Variants in ARPC1A observed in about 807,000 individuals in gnomAD.
ARPC1A encodes actin-related protein 2/3 complex subunit 1A.
Under a neutral mutation model 46.9 loss-of-function variants are expected in ARPC1A, and 8 were observed. The ratio of observed to expected loss-of-function variants is 0.17; its 90% CI spans 0.10 to 0.31. The LOEUF (loss-of-function observed/expected upper bound fraction) is 0.31. ARPC1A is among the 10% of genes least tolerant of loss of function. ARPC1A has a pLI of 1.00. For synonymous variants in ARPC1A, 152 were observed against 169.0 expected (o/e 0.90, Z 0.78); for missense variants, 286 against 483.6 (o/e 0.59, Z 3.83).
chr7:99,351,501 G>A (rs1793541953), intron 5 of ARPC1A, among the ~76,000 whole-genome samples: 1 of 152,204 alleles, frequency 6.6e-6, no homozygotes, highest in Non-Finnish European at 1.5e-5. Context: ...TTACAGGCAT[G>A]AGCCACTGCG....
At chr7:99,363,160 A>C (rs1171552217) in intron 8 of ARPC1A, among the ~76,000 whole-genome samples, 16 of 152,134 alleles carry the variant, frequency 1.1e-4, no homozygotes, top group Admixed American at 1.0e-3. Context: ...GCAAGTTCTT[A>C]ACTTCTCCCC....
chr7:99,336,714 G>A lies in ARPC1A; in HGVS notation c.65-1467G>A, dbSNP rs184281840. On this transcript the variant is annotated intron_variant, in intron 2 of 9. Coordinates refer to ENST00000262942, the MANE Select transcript of ARPC1A (RefSeq NM_006409.4). ...TCCCCGTGTTGGCCAGGCTGGTCTC[G>A]AACTCCTGATCACAGGTGATCTGCC... Among the ~76,000 whole-genome samples the A allele has an allele frequency of 8.3e-3, 1,255 of 152,046 alleles. 6 individuals are homozygous for A. The highest frequency in any genetic ancestry group is 0.024 in the Middle Eastern group (7 of 292).
chr7:99,326,138 C>T (rs1262099582), intron 1 of ARPC1A, 134 bp downstream of exon 1: 1 of 152,194 alleles, frequency 6.6e-6, no homozygotes, highest in African/African-American at 2.4e-5. Context: ...GCCGGGTCTC[C>T]CTGCCGGGGC....
intron 5 of ARPC1A, among the ~76,000 whole-genome samples, chr7:99,351,972 T>G (rs1400394248): frequency 2.6e-5 from 4 of 152,150 alleles, no homozygotes; most frequent in Non-Finnish European, 5.9e-5. Flanking sequence ...AGGACCTGCC[T>G]CCATCTTAAG....
chr7:99,331,272 G>C (rs1230429654), intron 1 of ARPC1A, among the ~76,000 whole-genome samples: 1 of 152,116 alleles, frequency 6.6e-6, no homozygotes, highest in Admixed American at 6.5e-5. Flanking sequence ...GTGCATGCTT[G>C]TAGCCACAGC....
chr7:99,356,705 T>C (rs895139895), intron 6 of ARPC1A, among the ~76,000 whole-genome samples: 1 of 150,640 alleles, frequency 6.6e-6, no homozygotes. Context: ...ATCGAGACCA[T>C]CCTGGCTAAC....
intron 3 of ARPC1A, among the ~76,000 whole-genome samples, chr7:99,343,404 T>C (rs1450540264): frequency 1.3e-5 from 2 of 151,496 alleles, no homozygotes; most frequent in African/African-American, 4.9e-5. Flanking sequence ...AGGCGGAGGT[T>C]GCAGTGAGCT....
chr7:99,363,455 TTA>T (rs1793775664), intron 8 of ARPC1A, 86 bp from the exon 9 acceptor site: 3 of 939,100 alleles, frequency 3.2e-6, no homozygotes, highest in Non-Finnish European at 5.0e-6. Flanking sequence ...ATTCATTTCC[TTA>T]AGCTGCCCTT....
chr7:99,358,149 G>A (rs889755235), intron 6 of ARPC1A, among the ~76,000 whole-genome samples, 191 bp from the exon 7 acceptor site: 4 of 152,190 alleles, frequency 2.6e-5, no homozygotes, highest in African/African-American at 7.2e-5. Context: ...CTCAGAAGGA[G>A]GCAGAGCCGG....
intron 6 of ARPC1A, among the ~76,000 whole-genome samples, chr7:99,356,718 G>A (rs1373210911): frequency 6.6e-6 from 1 of 151,766 alleles, no homozygotes; most frequent in Non-Finnish European, 1.5e-5. Context: ...TGGCTAACAC[G>A]GTGAAACCCT....
intron 3 of ARPC1A, among the ~76,000 whole-genome samples, chr7:99,340,901 T>A (rs978224145): frequency 2.0e-5 from 3 of 152,232 alleles, no homozygotes; most frequent in African/African-American, 7.2e-5. Flanking sequence ...ACAGCGTTTC[T>A]ATTTTTGTTG....
chr7:99,338,490 ATTT>A (rs1303429814), intron 3 of ARPC1A, among the ~76,000 whole-genome samples: 1 of 148,398 alleles, frequency 6.7e-6, no homozygotes, highest in African/African-American at 2.5e-5. Context: ...GGTTCAAGTA[ATTT>A]TCCTGCCTCA....
intron 1 of ARPC1A, among the ~76,000 whole-genome samples, chr7:99,331,127 G>T (rs887036975): frequency 2.0e-5 from 3 of 152,168 alleles, no homozygotes; most frequent in Non-Finnish European, 2.9e-5. Context: ...AAGTTACAGT[G>T]GCTGGGCATG....
chr7:99,364,120 A>G (rs1793787213), intron 9 of ARPC1A, among the ~76,000 whole-genome samples: 1 of 151,580 alleles, frequency 6.6e-6, no homozygotes, highest in South Asian at 2.1e-4. Flanking sequence ...ACACCCGGCT[A>G]TGTTTTGTAT....
chr7:99,359,484 C>A, intron 7 of ARPC1A, 61 bp from the exon 8 acceptor site: 2 of 1,506,208 alleles, frequency 1.3e-6, no homozygotes, highest in Non-Finnish European at 1.8e-6. Context: ...GGTGAACACT[C>A]TGCCAAGGAG....
chr7:99,361,211 G>T (rs551119626), intron 8 of ARPC1A, among the ~76,000 whole-genome samples: 82 of 152,070 alleles, frequency 5.4e-4, no homozygotes, highest in Non-Finnish European at 7.2e-4. Context: ...ATTGAAAAAT[G>T]AGAACCAGAG....
chr7:99,363,479 C>A, intron 8 of ARPC1A, 64 bp from the exon 9 acceptor site: 3 of 1,173,688 alleles, frequency 2.6e-6, no homozygotes, highest in South Asian at 2.6e-5. Flanking sequence ...CACTATTAGT[C>A]AGGAATGTTT....
intron 3 of ARPC1A, among the ~76,000 whole-genome samples, chr7:99,341,263 G>A (rs1793352498): frequency 6.7e-6 from 1 of 150,140 alleles, no homozygotes. Context: ...GAGCTGAGAT[G>A]GCGCCACTGC....
At chr7:99,347,862 A>G (rs1562799974) in intron 4 of ARPC1A, among the ~76,000 whole-genome samples, 1 of 151,906 alleles carries the variant, frequency 6.6e-6, no homozygotes, top group East Asian at 1.9e-4. Flanking sequence ...AAGTGATTCT[A>G]TAGAAAGGTA....
Sources: allele counts gnomAD v4.1 joint callset (sites outside exome capture counted in the v4.1 genomes callset), GRCh38; gene constraint gnomAD v4.1.1; transcripts MANE v1.5; gene names NCBI Gene and HGNC (gene_info 2026-07-23, HGNC 2026-07-21).